PKNOX2: variants seen among roughly 807,000 people sequenced by gnomAD.
The protein encoded by PKNOX2 is PBX/knotted 1 homeobox 2, also known as homeobox protein PKNOX2.
Under a neutral mutation model 53.1 loss-of-function variants are expected in PKNOX2, and 14 were observed. That is an observed-to-expected ratio of 0.26 (90% confidence interval 0.17 to 0.41). The LOEUF (loss-of-function observed/expected upper bound fraction) is 0.41. Among genes scored for constraint, PKNOX2 ranks in the 10% least tolerant of loss-of-function variants. The probability of loss-of-function intolerance (pLI) is 1.00; values close to 1 mark genes in which losing one functional copy is unlikely to be tolerated. For synonymous variants in PKNOX2, 257 were observed against 242.8 expected (o/e 1.06, Z -0.54); for missense variants, 496 against 602.8 (o/e 0.82, Z 1.85).
In PKNOX2 at chr11:125,370,953, G is replaced by A. The variant is rs1344067353; in HGVS notation, c.227+2968G>A. 6.6e-6 allele frequency among the ~76,000 whole-genome samples: 1 copy of A among 152,220 alleles called. No homozygotes were observed. The highest frequency in any genetic ancestry group is 2.1e-4 in the South Asian group (1 of 4,828). On this transcript the variant is annotated intron_variant, in intron 5 of 12. Coordinates refer to ENST00000298282, the MANE Select transcript of PKNOX2 (RefSeq NM_001382323.2). The surrounding 1 kb of genome is among the most constrained non-coding windows in gnomAD (Gnocchi z 4.1). ...AACCACAGATGAAGGAAGGGTGGGT[G>A]TGGCCCCTCCCTGCCTAGGACACTG...
rs1268081449 is a variant in PKNOX2 at position 125,240,788 on chromosome 11, G to T, written c.-130+5673G>T. Among the ~76,000 whole-genome samples, 1 of 152,120 alleles carries T rather than the reference G, an allele frequency of 6.6e-6. No individual in the cohort carries two copies. Among genetic ancestry groups the T allele is most frequent in the Non-Finnish European group, 1.5e-5 (1 of 68,018 alleles). ...CTCCCAGTATCCTTGGCTGTGGGGG[G>T]ACTAGTGATGGTGTAGGGTCCCCTC... On this transcript the variant is annotated intron_variant, in intron 2 of 12. Coordinates refer to ENST00000298282, the MANE Select transcript of PKNOX2 (RefSeq NM_001382323.2). The surrounding 1 kb of genome is among the most constrained non-coding windows in gnomAD (Gnocchi z 4.3).
chr11:125,194,462 A>G (rs1591476676), intron 1 of PKNOX2, among the ~76,000 whole-genome samples: 1 of 148,154 alleles, frequency 6.7e-6, no homozygotes, highest in African/African-American at 2.5e-5. Context: ...CCAGTCCCCC[A>G]CCCCCACCCT....
intron 7 of PKNOX2, among the ~76,000 whole-genome samples, chr11:125,404,997 C>A (rs1954991232): frequency 6.6e-6 from 1 of 152,232 alleles, no homozygotes; most frequent in African/African-American, 2.4e-5. Context: ...CAGCACGCGC[C>A]TTCTGGGAGG....
chr11:125,353,806 G>A (rs375383126), intron 4 of PKNOX2, among the ~76,000 whole-genome samples: 13 of 152,158 alleles, frequency 8.5e-5, no homozygotes, highest in South Asian at 8.3e-4. Flanking sequence ...GGGTCTTTAC[G>A]GCCTTGATGA....
At chr11:125,291,035 A>T (rs564283643) in intron 2 of PKNOX2, among the ~76,000 whole-genome samples, 1 of 152,300 alleles carries the variant, frequency 6.6e-6, no homozygotes, top group African/African-American at 2.4e-5. Context: ...TTCCAATGGC[A>T]GAGGCAGAGC....
At chr11:125,273,141 G>T (rs1945921097) in intron 2 of PKNOX2, among the ~76,000 whole-genome samples, 1 of 152,226 alleles carries the variant, frequency 6.6e-6, no homozygotes, top group Non-Finnish European at 1.5e-5. Flanking sequence ...GCCTGTGAAT[G>T]AGCACACTCC....
In PKNOX2 at chr11:125,192,824, AG is replaced by A. The variant is rs149025153; in HGVS notation, c.-201+28053del. Among the ~76,000 whole-genome samples the A allele has an allele frequency of 8.9e-3, 1,358 of 152,232 alleles. 16 individuals carry two copies. Among genetic ancestry groups the A allele is most frequent in the African/African-American group, 0.031 (1,291 of 41,518 alleles). ...CAGGAAATCACGGCCAGCCAGGTCG[AG>A]GGGGCTTGGTTTTGCTTTTTTGAGG... On this transcript the variant is annotated intron_variant, in intron 1 of 12. Transcript: ENST00000298282.
chr11:125,288,774 G>C (rs141793884), intron 2 of PKNOX2, among the ~76,000 whole-genome samples: 2 of 152,296 alleles, frequency 1.3e-5, no homozygotes, highest in East Asian at 3.9e-4. Context: ...CGCATCATCG[G>C]AAAGATTGTG....
At chr11:125,371,546 C>T (rs1952547342) in intron 5 of PKNOX2, among the ~76,000 whole-genome samples, 3 of 152,114 alleles carry the variant, frequency 2.0e-5, no homozygotes, top group Non-Finnish European at 1.5e-5. Context: ...CCCTCCTCCC[C>T]TCCAGTCTCC....
chr11:125,172,077 G>A (rs914066888), intron 1 of PKNOX2, among the ~76,000 whole-genome samples: 4 of 152,198 alleles, frequency 2.6e-5, no homozygotes, highest in Non-Finnish European at 5.9e-5. Flanking sequence ...TGAGCGGCTG[G>A]CCAGTGGGGG....
chr11:125,282,574 TG>T (rs1356828203), intron 2 of PKNOX2, among the ~76,000 whole-genome samples: 1 of 152,214 alleles, frequency 6.6e-6, no homozygotes, highest in Non-Finnish European at 1.5e-5. Context: ...GTGATGCTGC[TG>T]GTACAGGGAC....
intron 8 of PKNOX2, 126 bp downstream of exon 8, chr11:125,410,451 A>C: frequency 7.5e-7 from 1 of 1,329,474 alleles, no homozygotes; most frequent in Non-Finnish European, 1.0e-6. Flanking sequence ...CAGTTTCTTG[A>C]CTAAAGTTTT....
intron 2 of PKNOX2, among the ~76,000 whole-genome samples, chr11:125,252,226 G>A (rs1944057158): frequency 6.6e-6 from 1 of 152,144 alleles, no homozygotes; most frequent in Non-Finnish European, 1.5e-5. Context: ...AGCCAGAGAG[G>A]GCTTGGCTGA....
intron 2 of PKNOX2, among the ~76,000 whole-genome samples, chr11:125,328,198 C>T (rs73621089): frequency 0.017 from 2,532 of 152,336 alleles, 79 homozygotes; most frequent in African/African-American, 0.058. Flanking sequence ...GCCCTGAGCC[C>T]TGCTCTGGCC....
intron 1 of PKNOX2, among the ~76,000 whole-genome samples, chr11:125,212,612 C>G (rs571995402): frequency 6.6e-6 from 1 of 151,764 alleles, no homozygotes; most frequent in African/African-American, 2.4e-5. Context: ...TGCCAGGGGA[C>G]TACACTGAAC....
At chr11:125,198,433 G>T (rs1164928485) in intron 1 of PKNOX2, among the ~76,000 whole-genome samples, 1 of 152,186 alleles carries the variant, frequency 6.6e-6, no homozygotes, top group Non-Finnish European at 1.5e-5. Flanking sequence ...GAAGGACGGT[G>T]CATGGGGACA....
Position 125,195,883 on chromosome 11 carries a change from G to GCACGTACA in PKNOX2, c.-201+31110_-201+31111insGTACACAC, listed in dbSNP as rs1190771243. ...ATTCTCTCCCAAGGAATATGTACATGCACACACACACACACACACACACAC... is the reference window on the plus strand; with the variant it reads ...ATTCTCTCCCAAGGAATATGTACATGCACGTACACACACACACACACACACACACACAC... On this transcript the variant is annotated intron_variant, in intron 1 of 12. Coordinates refer to ENST00000298282, the MANE Select transcript of PKNOX2 (RefSeq NM_001382323.2). Among the ~76,000 whole-genome samples the GCACGTACA allele has an allele frequency of 7.3e-4, 105 of 143,916 alleles. 2 individuals carry two copies. The highest frequency in any genetic ancestry group is 2.6e-3 in the African/African-American group (100 of 38,894). 94.4% of individuals were successfully genotyped at this position (143,916 alleles called of 152,430 possible).
At chr11:125,426,980 AG>A (rs1956462565) in intron 10 of PKNOX2, among the ~76,000 whole-genome samples, 1 of 152,228 alleles carries the variant, frequency 6.6e-6, no homozygotes, top group Non-Finnish European at 1.5e-5. Context: ...CGCGCTCCAG[AG>A]GAGGGCCAGC....
intron 1 of PKNOX2, chr11:125,190,854 T>C (rs957699027): frequency 3.9e-5 from 6 of 152,244 alleles, no homozygotes; most frequent in African/African-American, 1.4e-4. Flanking sequence ...CTAGAGCAAT[T>C]ATTGTCTGCA....
Sources: gnomAD v4.1 joint callset for allele counts (sites outside exome capture counted in the v4.1 genomes callset) on GRCh38, gnomAD v4.1.1 for gene constraint, Gnocchi (gnomAD v3.1) non-coding constraint, MANE v1.5 for transcripts, NCBI Gene and HGNC (gene_info 2026-07-23, HGNC 2026-07-21) for gene names.